Variants in CNTN5 observed in about 807,000 individuals in gnomAD.
CNTN5 encodes the protein contactin 5, also known as contactin-5.
A neutral mutation model predicts 129.1 loss-of-function variants in CNTN5; 77 were observed. That is an observed-to-expected ratio of 0.60 (90% CI 0.50 to 0.72). The LOEUF is 0.72. Among genes scored for constraint, CNTN5 ranks in the 30% least tolerant of loss-of-function variants. The pLI is 0.00. For synonymous variants in CNTN5, 509 were observed against 465.6 expected (o/e 1.09, Z -1.20); for missense variants, 1,478 against 1,328.8 (o/e 1.11, Z -1.75).
intron 2 of CNTN5, among the ~76,000 whole-genome samples, chr11:99,400,752 T>C (rs1321825052): frequency 1.3e-5 from 2 of 152,236 alleles, no homozygotes; most frequent in Admixed American, 6.5e-5. Context: ...TTACTGCCTG[T>C]CTTTTGGATA....
intron 2 of CNTN5, among the ~76,000 whole-genome samples, chr11:99,355,324 A>G (rs1475581911): frequency 1.3e-5 from 2 of 152,214 alleles, no homozygotes; most frequent in Non-Finnish European, 2.9e-5. Flanking sequence ...CTCGAATACT[A>G]AACAATGAGT....
intron 18 of CNTN5, among the ~76,000 whole-genome samples, chr11:100,289,164 G>A (rs1444526375): frequency 2.6e-5 from 4 of 151,310 alleles, no homozygotes; most frequent in Admixed American, 6.6e-5. Flanking sequence ...ATTCACAGCC[G>A]AATTCTACCA....
intron 3 of CNTN5, among the ~76,000 whole-genome samples, chr11:99,657,814 T>C (rs879370248): frequency 9.9e-5 from 15 of 151,946 alleles, no homozygotes; most frequent in Non-Finnish European, 1.9e-4. Context: ...TCAAGGAAAA[T>C]TTGTAAATGT....
chr11:99,362,245 C>A (rs1939160681), intron 2 of CNTN5, among the ~76,000 whole-genome samples: 1 of 152,034 alleles, frequency 6.6e-6, no homozygotes, highest in Non-Finnish European at 1.5e-5. Flanking sequence ...AGATGCTGAG[C>A]AGCTTTTCAT....
chr11:99,881,712 A>AT (rs1948777076), intron 6 of CNTN5, among the ~76,000 whole-genome samples: 2 of 152,160 alleles, frequency 1.3e-5, no homozygotes. Context: ...TGAGGCAATG[A>AT]TTTTTTACTG....
intron 3 of CNTN5, among the ~76,000 whole-genome samples, chr11:99,794,173 TC>T (rs1436564821): frequency 8.0e-6 from 1 of 124,830 alleles, no homozygotes; most frequent in Non-Finnish European, 1.8e-5. Context: ...GTAATGTCCT[TC>T]TTTGTCTTTT....
At chr11:99,855,970 C>G (rs1235776234) in intron 6 of CNTN5, among the ~76,000 whole-genome samples, 1 of 152,130 alleles carries the variant, frequency 6.6e-6, no homozygotes, top group African/African-American at 2.4e-5. Flanking sequence ...CCATAATTCT[C>G]TAACATCCAG....
At chr11:99,270,837 A>G (rs1208088974) in intron 1 of CNTN5, among the ~76,000 whole-genome samples, 1 of 151,996 alleles carries the variant, frequency 6.6e-6, no homozygotes, top group Non-Finnish European at 1.5e-5. Flanking sequence ...TAATAATTAC[A>G]TCTGTGAAAC....
intron 1 of CNTN5, among the ~76,000 whole-genome samples, chr11:99,322,760 A>C (rs1050923985): frequency 6.6e-6 from 1 of 152,192 alleles, no homozygotes; most frequent in East Asian, 1.9e-4. Flanking sequence ...GAAGATACAG[A>C]TACTGATGAT....
chr11:99,924,091 C>G (rs1349295237), intron 7 of CNTN5, among the ~76,000 whole-genome samples: 1 of 152,138 alleles, frequency 6.6e-6, no homozygotes, highest in Admixed American at 6.6e-5. Context: ...CACCCGGCAT[C>G]TATTATTTTT....
At chr11:100,155,910 A>G (rs1159281534) in intron 13 of CNTN5, among the ~76,000 whole-genome samples, 1 of 152,100 alleles carries the variant, frequency 6.6e-6, no homozygotes, top group East Asian at 1.9e-4. Context: ...TGGGGCTGAG[A>G]AGATGGGGTT....
chr11:99,735,227 C>T (rs796990804), intron 3 of CNTN5, among the ~76,000 whole-genome samples: 2 of 129,176 alleles, frequency 1.5e-5, no homozygotes, highest in African/African-American at 6.0e-5. Context: ...CCTGAAAATC[C>T]CAATGAAGGA....
chr11:99,194,165 T>A (rs1243587410), intron 1 of CNTN5, among the ~76,000 whole-genome samples: 1 of 151,696 alleles, frequency 6.6e-6, no homozygotes, highest in Admixed American at 6.6e-5. Context: ...TTTGAGGAAA[T>A]CCTCCAAAGC....
chr11:99,621,030 A>T (rs941886454), intron 3 of CNTN5, among the ~76,000 whole-genome samples: 2 of 152,194 alleles, frequency 1.3e-5, no homozygotes, highest in Non-Finnish European at 2.9e-5. Context: ...AAGGAATACA[A>T]ATAACACACA....
At chr11:99,360,937 G>A (rs558918167) in intron 2 of CNTN5, among the ~76,000 whole-genome samples, 2 of 152,164 alleles carry the variant, frequency 1.3e-5, no homozygotes, top group African/African-American at 4.8e-5. Context: ...GAGAAGACAT[G>A]CCCCATCTTC....
In CNTN5 at chr11:99,408,448, G is replaced by GAAAGAAAGAGAA. The variant is rs71305322; in HGVS notation, c.-71+82965_-71+82966insAAGAAAGAGAAA. ...AAAGAAAAAGAAAGAAAGAAAGAAAGAGAAAGAAAGAAAGAAAGAAAGAAA... is the reference window on the plus strand; with the variant it reads ...AAAGAAAAAGAAAGAAAGAAAGAAAGAAAGAAAGAGAAAGAAAGAAAGAAAGAAAGAAAGAAA... On this transcript the variant is annotated intron_variant, in intron 2 of 24. Coordinates refer to ENST00000524871, the MANE Select transcript of CNTN5 (RefSeq NM_014361.4). 8.7e-4 allele frequency among the ~76,000 whole-genome samples: 68 copies of GAAAGAAAGAGAA among 78,128 alleles called. 1 individual carries two copies. The highest frequency in any genetic ancestry group is 4.3e-3 in the South Asian group (8 of 1,870). 51.3% of individuals were successfully genotyped at this position (78,128 alleles called of 152,430 possible). A position where few individuals can be genotyped will look rare whatever the true frequency, so the allele number is the denominator to read the frequency against.
At chr11:100,104,631 T>TA (rs778934516) in intron 13 of CNTN5, among the ~76,000 whole-genome samples, 8 of 152,148 alleles carry the variant, frequency 5.3e-5, no homozygotes, top group Non-Finnish European at 1.2e-4. Flanking sequence ...TTACATGGGT[T>TA]ATATCGATTA....
At chr11:100,317,501 T>G (rs1054061364) in intron 21 of CNTN5, among the ~76,000 whole-genome samples, 2 of 152,156 alleles carry the variant, frequency 1.3e-5, no homozygotes, top group Admixed American at 6.5e-5. Context: ...AAAAATAAAA[T>G]GCCAATTTTA....
At chr11:100,120,449 C>G (rs558440094) in intron 13 of CNTN5, among the ~76,000 whole-genome samples, 1 of 151,930 alleles carries the variant, frequency 6.6e-6, no homozygotes, top group African/African-American at 2.4e-5. Context: ...AAAGTTCAAG[C>G]TGTATTAGTA....
Sources: allele counts gnomAD v4.1 joint callset (sites outside exome capture counted in the v4.1 genomes callset), GRCh38; gene constraint gnomAD v4.1.1; transcripts MANE v1.5; gene names NCBI Gene and HGNC (gene_info 2026-07-23, HGNC 2026-07-21).